The following PTPRG variants were observed in gnomAD, a reference collection of about 807,000 sequenced individuals.
PTPRG encodes receptor-type tyrosine-protein phosphatase gamma.
PTPRG carries 102 observed loss-of-function variants against 165.3 expected under a neutral mutation model. The observed-to-expected ratio is 0.62, with a 90% CI of 0.53 to 0.73. PTPRG has a LOEUF of 0.73. Ranked by LOEUF, PTPRG falls within the 30% of genes least tolerant of loss-of-function variation. PTPRG has a pLI of 0.00. For synonymous variants in PTPRG, 675 were observed against 669.5 expected (o/e 1.01, Z -0.13); for missense variants, 1,866 against 1,861.4 (o/e 1.00, Z -0.05).
intron 2 of PTPRG, among the ~76,000 whole-genome samples, chr3:61,801,030 C>T (rs571337623): frequency 6.6e-6 from 1 of 152,218 alleles, no homozygotes; most frequent in East Asian, 1.9e-4. Flanking sequence ...TCTGGTGAAG[C>T]CCCTGCCCTG....
intron 4 of PTPRG, among the ~76,000 whole-genome samples, chr3:62,028,127 T>C (rs967537664): frequency 1.3e-5 from 2 of 152,208 alleles, no homozygotes; most frequent in Non-Finnish European, 2.9e-5. Context: ...AATCTGCATG[T>C]TCTTTGTTCT....
intron 2 of PTPRG, among the ~76,000 whole-genome samples, chr3:61,876,121 A>G (rs1164144149): frequency 6.6e-6 from 1 of 152,248 alleles, no homozygotes; most frequent in African/African-American, 2.4e-5. Context: ...AAGGGACATG[A>G]CATGATTTCT....
At chr3:62,211,467 G>C (rs1215019255) in intron 12 of PTPRG, among the ~76,000 whole-genome samples, 4 of 152,120 alleles carry the variant, frequency 2.6e-5, no homozygotes, top group African/African-American at 9.7e-5. Context: ...TCACTGAATG[G>C]GACACTTAGA....
intron 28 of PTPRG, among the ~76,000 whole-genome samples, chr3:62,290,376 T>C (rs1456830858): frequency 6.6e-6 from 1 of 152,146 alleles, no homozygotes; most frequent in Non-Finnish European, 1.5e-5. Flanking sequence ...TCAAAATTAC[T>C]ATGAAACACG....
chr3:61,580,785 T>C (rs1240056187), intron 1 of PTPRG, among the ~76,000 whole-genome samples: 2 of 152,232 alleles, frequency 1.3e-5, no homozygotes, highest in Non-Finnish European at 2.9e-5. Flanking sequence ...ACGATTATTA[T>C]TTTCTTTTGG....
intron 7 of PTPRG, among the ~76,000 whole-genome samples, chr3:62,159,653 G>GATTT (rs145887810): frequency 0.033 from 5,042 of 152,232 alleles, 92 homozygotes; most frequent in South Asian, 0.066. Flanking sequence ...AATAATGTAA[G>GATTT]ATTTGTATTT....
chr3:62,070,407 T>A (rs1311192666), intron 4 of PTPRG, among the ~76,000 whole-genome samples: 1 of 152,238 alleles, frequency 6.6e-6, no homozygotes, highest in African/African-American at 2.4e-5. Context: ...TGTTAGTGTT[T>A]ATGGCTTTAT....
chr3:61,677,405 G>C (rs978667277), intron 1 of PTPRG, among the ~76,000 whole-genome samples: 5 of 152,334 alleles, frequency 3.3e-5, no homozygotes, highest in Admixed American at 3.3e-4. Flanking sequence ...GTGAGGAAAC[G>C]AGGCCTAGAC....
rs192498535 is a variant in PTPRG, at chr3:61,742,920, C to T, written c.86-5958C>T. 31 of 1,469,280 alleles carry T rather than the reference C, an allele frequency of 2.1e-5. No individual in the cohort carries two copies. The African/African-American group carries it at 3.9e-4, about 18-fold the overall frequency. 91.0% of individuals were successfully genotyped at this position (1,469,280 alleles called of 1,614,324 possible). On this transcript the variant is annotated intron_variant, in intron 1 of 29. Coordinates refer to ENST00000474889, the MANE Select transcript of PTPRG (RefSeq NM_002841.4). The stretch of plus-strand genomic sequence containing the variant: ...GCTGGTCCCCCAGGACACACACACA[C>T]AACTTAGGGCGGGGAGTGGACTTAA...
intron 1 of PTPRG, among the ~76,000 whole-genome samples, chr3:61,668,711 C>T (rs1354150903): frequency 6.6e-6 from 1 of 152,130 alleles, no homozygotes; most frequent in Non-Finnish European, 1.5e-5. Context: ...ACATTACCCT[C>T]TGCTGAACAT....
intron 1 of PTPRG, among the ~76,000 whole-genome samples, chr3:61,564,219 T>C (rs1699847850): frequency 2.0e-5 from 3 of 152,232 alleles, no homozygotes; most frequent in Non-Finnish European, 1.5e-5. Context: ...TACCACGGAC[T>C]TGACGACTGA....
intron 4 of PTPRG, among the ~76,000 whole-genome samples, chr3:62,010,631 C>A (rs528433694): frequency 6.6e-6 from 1 of 151,746 alleles, no homozygotes; most frequent in African/African-American, 2.4e-5. Context: ...GCCTGGGCAA[C>A]ATAATGAGAG....
In PTPRG at chr3:62,001,537, C is replaced by T. The variant is rs530261920; in HGVS notation, c.371-1812C>T. 5.6e-4 allele frequency among the ~76,000 whole-genome samples: 85 copies of T among 151,970 alleles called. 2 individuals are homozygous for T. In the South Asian group the frequency reaches 0.017, roughly 30 times the overall value. ...CTGAGCTAATGCCTAGATGTTTTGA[C>T]ATCAGAACTAAAGGTATGTGGTTGG... On this transcript the variant is annotated intron_variant, in intron 3 of 29. Transcript: ENST00000474889.
At position 61,933,000 on chromosome 3, in the gene PTPRG, T is replaced by C. The variant is rs76753381; in HGVS notation, c.191-56625T>C. 5.9e-5 allele frequency among the ~76,000 whole-genome samples: 9 copies of C among 152,338 alleles called. No individual in the cohort carries two copies. In the East Asian group the frequency reaches 1.7e-3, roughly 29 times the overall value. ...AAAAGTCCAAAATGGTTAAATTGGC[T>C]GTCTGAAACCCATATGGCTGAGAAT... On this transcript the variant is annotated intron_variant, in intron 2 of 29. Coordinates refer to ENST00000474889, the MANE Select transcript of PTPRG (RefSeq NM_002841.4).
Position 61,743,119 on chromosome 3 carries a change from C to T in PTPRG, c.86-5759C>T, listed in dbSNP as rs947498563. ...GACTGCTGCTCATGGCTTCTCACGC[C>T]GCGCTAACCGGAAAAGAGCGGGTCT... On this transcript the variant is annotated intron_variant, in intron 1 of 29. Transcript: ENST00000474889. The T allele has an allele frequency of 7.4e-6, 10 of 1,355,428 alleles. No homozygotes were observed. The Admixed American group carries it at 1.0e-4, about 14-fold the overall frequency. 84.0% of individuals were successfully genotyped at this position (1,355,428 alleles called of 1,614,324 possible). A position where few individuals can be genotyped will look rare whatever the true frequency, so the allele number is the denominator to read the frequency against.
chr3:62,203,119 TCTG>T lies in PTPRG; in HGVS notation c.1378-51_1378-49del. On this transcript the variant is annotated intron_variant, in intron 11 of 29. Transcript: ENST00000474889. The surrounding 1 kb of genome is among the most constrained non-coding windows in gnomAD (Gnocchi z 6.4). Reference sequence around the variant, plus strand: ...TCCCAATCTCAATTACTGATGCTTCTCTGCTTTTTCTTCTTCTGCCTCTTTTCC... The same window carrying T: ...TCCCAATCTCAATTACTGATGCTTCTCTTTTTCTTCTTCTGCCTCTTTTCC... The T allele has an allele frequency of 1.3e-6, 2 of 1,524,226 alleles. No individual in the cohort carries two copies. Among genetic ancestry groups the T allele is most frequent in the Non-Finnish European group, 1.8e-6 (2 of 1,135,960 alleles). The allele number at this position is 1,524,226 out of a possible 1,614,324, so 94.4% of individuals were successfully genotyped here. A position where few individuals can be genotyped will look rare whatever the true frequency, so the allele number is the denominator to read the frequency against.
rs140019903 is a variant in PTPRG, at chr3:62,074,180, A to AGTGTGTGTGTGTGT, written c.520-3964_520-3951dup. On this transcript the variant is annotated intron_variant, in intron 4 of 29. Transcript: ENST00000474889. ...CAGATGATTGAGGAAAAAAAGTGAG[A>AGTGTGTGTGTGTGT]GTGTGTGTGTGTGTGTGTGTGTGTG... Among the ~76,000 whole-genome samples, 89 of 143,686 alleles carry AGTGTGTGTGTGTGT rather than the reference A, an allele frequency of 6.2e-4. 1 individual carries two copies. Among genetic ancestry groups the AGTGTGTGTGTGTGT allele is most frequent in the African/African-American group, 1.8e-3 (67 of 38,150 alleles). 94.3% of individuals were successfully genotyped at this position (143,686 alleles called of 152,430 possible).
At chr3:62,149,457 T>C (rs1670456528) in intron 6 of PTPRG, among the ~76,000 whole-genome samples, 1 of 152,082 alleles carries the variant, frequency 6.6e-6, no homozygotes, top group Non-Finnish European at 1.5e-5. Context: ...TATCTTTAGA[T>C]GTGGTTTCGC....
intron 4 of PTPRG, among the ~76,000 whole-genome samples, chr3:62,065,638 G>T (rs1338666734): frequency 6.6e-6 from 1 of 152,168 alleles, no homozygotes; most frequent in Non-Finnish European, 1.5e-5. Flanking sequence ...TTTCTCCTGT[G>T]TGGGAAATAA....
Sources: allele counts gnomAD v4.1 joint callset (sites outside exome capture counted in the v4.1 genomes callset), GRCh38; gene constraint gnomAD v4.1.1; non-coding constraint Gnocchi (gnomAD v3.1); transcripts MANE v1.5; gene names NCBI Gene and HGNC (gene_info 2026-07-23, HGNC 2026-07-21).